The following DISP3 variants were observed in gnomAD, a reference collection of about 807,000 sequenced individuals.
DISP3 encodes protein dispatched homolog 3.
DISP3 carries 101 observed loss-of-function variants against 135.3 expected under a neutral mutation model. The ratio of observed to expected loss-of-function variants is 0.75; its 90% confidence interval spans 0.64 to 0.88. The LOEUF is 0.88. Ranked by LOEUF, DISP3 falls within the 40% of genes least tolerant of loss-of-function variation. DISP3 has a pLI of 0.00. For synonymous variants in DISP3, 856 were observed against 817.0 expected (o/e 1.05, Z -0.81); for missense variants, 1,713 against 1,878.6 (o/e 0.91, Z 1.63).
intron 12 of DISP3, 98 bp from the exon 13 acceptor site, chr1:11,526,553 A>T (rs1642424531): frequency 3.0e-6 from 4 of 1,355,542 alleles, no homozygotes; most frequent in Non-Finnish European, 4.1e-6. Context: ...GGACAGGGTG[A>T]ACTATGCCGA....
chr1:11,498,020 G>A lies in DISP3; in HGVS notation c.-3-2970G>A, dbSNP rs536016361. 5.9e-5 allele frequency among the ~76,000 whole-genome samples: 9 copies of A among 152,276 alleles called. No homozygotes were observed. In the South Asian group the frequency reaches 1.2e-3, roughly 21 times the overall value. ...GCTCCCTTAAAGCTCACATCTACCCGCCTGTGGGGCTCTCACTGGGAGGTG... is the reference window on the plus strand; with the variant it reads ...GCTCCCTTAAAGCTCACATCTACCCACCTGTGGGGCTCTCACTGGGAGGTG... On this transcript the variant is annotated intron_variant, in intron 1 of 20. Coordinates refer to ENST00000294484, the MANE Select transcript of DISP3 (RefSeq NM_020780.2).
At chr1:11,510,518 C>T (rs1570105012) in intron 3 of DISP3, among the ~76,000 whole-genome samples, 1 of 151,844 alleles carries the variant, frequency 6.6e-6, no homozygotes, top group Non-Finnish European at 1.5e-5. Context: ...TAAACCCCAC[C>T]CTACATTATT....
At chr1:11,504,430 A>C (rs1303654732) in intron 3 of DISP3, among the ~76,000 whole-genome samples, 1 of 152,248 alleles carries the variant, frequency 6.6e-6, no homozygotes, top group Non-Finnish European at 1.5e-5. Flanking sequence ...CTATTCATCT[A>C]TTAAGATCCA....
At chr1:11,502,329 G>A (rs541406053) in intron 2 of DISP3, among the ~76,000 whole-genome samples, 69 of 152,348 alleles carry the variant, frequency 4.5e-4, no homozygotes, top group South Asian at 1.2e-3. Context: ...GGGTTCTGCT[G>A]TGGTCAGAGG....
intron 17 of DISP3, among the ~76,000 whole-genome samples, chr1:11,532,318 C>T (rs1417037364): frequency 2.0e-5 from 3 of 152,236 alleles, no homozygotes; most frequent in Non-Finnish European, 4.4e-5. Context: ...TGGGCTCAAT[C>T]GTTGCTGGGA....
In DISP3 at chr1:11,499,374, C is replaced by G. The variant is rs1417391188; in HGVS notation, c.-3-1616C>G. Among the ~76,000 whole-genome samples, 1 of 152,140 alleles carries G rather than the reference C, an allele frequency of 6.6e-6. No individual in the cohort carries two copies. The highest frequency in any genetic ancestry group is 1.5e-5 in the Non-Finnish European group (1 of 68,018). ...TCTAAGGCCAAGAATCGGGCAGAGG[C>G]TCCCACACTCACCTCCACATGCAGA... On this transcript the variant is annotated intron_variant, in intron 1 of 20. Transcript: ENST00000294484. The surrounding 1 kb of genome is among the most constrained non-coding windows in gnomAD (Gnocchi z 5.2).
chr1:11,479,682 G>A (rs1267047402), intron 1 of DISP3, among the ~76,000 whole-genome samples: 10 of 152,218 alleles, frequency 6.6e-5, no homozygotes, highest in Non-Finnish European at 1.5e-4. Context: ...GAACGGCAAG[G>A]CTTCCGACCT....
chr1:11,482,694 C>A (rs1640934131), intron 1 of DISP3, among the ~76,000 whole-genome samples: 1 of 152,152 alleles, frequency 6.6e-6, no homozygotes, highest in African/African-American at 2.4e-5. Flanking sequence ...GTTTCCCCAC[C>A]TGAACCCCTC....
Position 11,519,566 on chromosome 1 carries a change from G to C in DISP3, c.2038+63G>C. 1 of 1,591,362 alleles carries C rather than the reference G, an allele frequency of 6.3e-7. No individual in the cohort carries two copies. Among genetic ancestry groups the C allele is most frequent in the South Asian group, 1.1e-5 (1 of 89,266 alleles). ...GAGACCCAGCGCTGCCTCTGCCAGG[G>C]GAGTAACACTTGACAAGTTGGTCCT... On this transcript the variant is annotated intron_variant, in intron 8 of 20. Transcript: ENST00000294484. This position sits in a 1 kb window ranked among gnomAD's most constrained non-coding sequence, Gnocchi z 4.3.
At chr1:11,482,327 C>G (rs1244217072) in intron 1 of DISP3, among the ~76,000 whole-genome samples, 1 of 152,130 alleles carries the variant, frequency 6.6e-6, no homozygotes, top group Non-Finnish European at 1.5e-5. Flanking sequence ...GTCCTTGGAC[C>G]CAAGCAAGTA....
At chr1:11,533,222 T>C (rs1434637210) in intron 17 of DISP3, among the ~76,000 whole-genome samples, 1 of 150,792 alleles carries the variant, frequency 6.6e-6, no homozygotes, top group Non-Finnish European at 1.5e-5. Flanking sequence ...GTGAATGGAA[T>C]CATATGGTGT....
intron 3 of DISP3, among the ~76,000 whole-genome samples, chr1:11,507,926 C>T (rs1641751392): frequency 6.6e-6 from 1 of 152,168 alleles, no homozygotes; most frequent in Non-Finnish European, 1.5e-5. Flanking sequence ...TGATTTTCTA[C>T]TCTAACAAAA....
At chr1:11,500,950 A>T in intron 1 of DISP3, 40 bp from the exon 2 acceptor site, 1 of 1,605,410 alleles carries the variant, frequency 6.2e-7, no homozygotes, top group East Asian at 2.2e-5. Context: ...CCTTCCCCTC[A>T]CTGTCTCTCT....
rs1281849717 is a variant in DISP3 at position 11,483,810 on chromosome 1, T to G, written c.-4+4438T>G. 6.6e-6 allele frequency among the ~76,000 whole-genome samples: 1 copy of G among 151,788 alleles called. No homozygotes were observed. The highest frequency in any genetic ancestry group is 2.4e-5 in the African/African-American group (1 of 41,286). ...GGGACTCAAGCTGTGAACCTTGGAG[T>G]GTGAAAGACAACTTAACTCTGTAAG... On this transcript the variant is annotated intron_variant, in intron 1 of 20. Transcript: ENST00000294484. The surrounding 1 kb of genome is among the most constrained non-coding windows in gnomAD (Gnocchi z 5.4).
chr1:11,483,731 A>C lies in DISP3; in HGVS notation c.-4+4359A>C, dbSNP rs905576395. ...AGTCAGTGGCCTGGGCTGGGTACTC[A>C]AGGCTTCTGAGCCATGGCTGGGCCG... On this transcript the variant is annotated intron_variant, in intron 1 of 20. Transcript: ENST00000294484. The surrounding 1 kb of genome is among the most constrained non-coding windows in gnomAD (Gnocchi z 5.4). Among the ~76,000 whole-genome samples the C allele has an allele frequency of 3.3e-5, 5 of 152,198 alleles. No individual in the cohort carries two copies. Among genetic ancestry groups the C allele is most frequent in the Non-Finnish European group, 5.9e-5 (4 of 68,040 alleles).
At position 11,536,558 on chromosome 1, in the gene DISP3, C is replaced by G. The variant is rs1259635706; in HGVS notation, c.4051C>G (p.Arg1351Gly). The G allele has an allele frequency of 6.2e-7, 1 of 1,612,574 alleles. No individual in the cohort carries two copies. Among genetic ancestry groups the G allele is most frequent in the Non-Finnish European group, 8.5e-7 (1 of 1,179,948 alleles). Reference protein sequence around the residue: ...LGIMAPSSFTRTRTSFLKALG... With the variant: ...LGIMAPSSFTGTRTSFLKALG... ...CATCATGGCGCCCAGCTCTTTCACT[C>G]GGACCCGGACTTCCTTCCTCAAGGC... Residue 1351 changes from arginine to glycine, a missense_variant, in exon 21 of 21, where the codon CGG (arginine) becomes GGG (glycine). Around this residue, in one of 2 missense-constraint regions of DISP3, gnomAD observed 1,142 missense variants for 1,384.6 expected, o/e 0.82. Coordinates refer to ENST00000294484, the MANE Select transcript of DISP3 (RefSeq NM_020780.2). This position sits in a 1 kb window ranked among gnomAD's most constrained non-coding sequence, Gnocchi z 4.3.
intron 1 of DISP3, among the ~76,000 whole-genome samples, chr1:11,497,888 A>G (rs1641382753): frequency 6.6e-6 from 1 of 151,902 alleles, no homozygotes; most frequent in African/African-American, 2.4e-5. Flanking sequence ...TTCATCGGAG[A>G]CTCCTTTTCC....
chr1:11,479,155 G>C lies in DISP3; in HGVS notation c.-221G>C, dbSNP rs556012305. ...AAGGCGGCGGCGGAGCGGAGTGCTC[G>C]GGTTGCGAGCTGAGGACTGGGATTC... On this transcript the variant is annotated 5_prime_UTR_variant, in exon 1 of 21. Transcript: ENST00000294484. The C allele has an allele frequency of 1.9e-5, 3 of 155,180 alleles. No homozygotes were observed. The highest frequency in any genetic ancestry group is 4.1e-4 in the South Asian group (2 of 4,836). 9.6% of individuals were successfully genotyped at this position (155,180 alleles called of 1,614,324 possible). A position where few individuals can be genotyped will look rare whatever the true frequency, so the allele number is the denominator to read the frequency against.
chr1:11,522,849 G>GA (rs1642273488), intron 10 of DISP3, among the ~76,000 whole-genome samples: 1 of 18,006 alleles, frequency 5.6e-5, no homozygotes, highest in African/African-American at 1.2e-4. Context: ...CCCAGCCAGA[G>GA]CCCAGCCAGG....
Sources: gnomAD v4.1 joint callset for allele counts (sites outside exome capture counted in the v4.1 genomes callset) on GRCh38, gnomAD v4.1.1 for gene constraint, gnomAD v4.1.1 regional missense constraint, Gnocchi (gnomAD v3.1) non-coding constraint, MANE v1.5 for transcripts, NCBI Gene and HGNC (gene_info 2026-07-23, HGNC 2026-07-21) for gene names.